Variants in DMXL1 observed in about 807,000 individuals in gnomAD.
The protein encoded by DMXL1 is Dmx like 1, also known as dmX-like protein 1.
Under a neutral mutation model 319.2 loss-of-function variants are expected in DMXL1, and 99 were observed. That is an observed-to-expected ratio of 0.31 (90% confidence interval 0.26 to 0.37). DMXL1 has a LOEUF of 0.37. DMXL1 is among the 10% of genes least tolerant of loss of function. The probability of loss-of-function intolerance (pLI) is 1.00; values close to 1 mark genes in which losing one functional copy is unlikely to be tolerated. For missense variants in DMXL1, 3,745 were observed against 3,595.6 expected, an observed-to-expected ratio of 1.04 and a Z score of -1.06; for synonymous variants, 1,385 against 1,235.2, an observed-to-expected ratio of 1.12 and a Z score of -2.54.
rs117105014 is a variant in DMXL1, at chr5:119,121,345, G to C, written c.1102+206G>C. Among the ~76,000 whole-genome samples, 82 of 151,580 alleles carry C rather than the reference G, an allele frequency of 5.4e-4. 2 individuals are homozygous for C. In the East Asian group the frequency reaches 0.013, roughly 23 times the overall value. ...TTCTTGCAGAGGGAGGTTTGGCACG[G>C]TCATAGGACAATAGTGGAGGGAAGG... On this transcript the variant is annotated intron_variant, in intron 9 of 43. Transcript: ENST00000539542.
intron 1 of DMXL1, among the ~76,000 whole-genome samples, chr5:119,072,587 A>G (rs1166335469): frequency 3.3e-5 from 5 of 152,210 alleles, no homozygotes; most frequent in Non-Finnish European, 7.3e-5. Context: ...CACAAAGTAA[A>G]CAACGTAACC....
intron 10 of DMXL1, among the ~76,000 whole-genome samples, chr5:119,132,376 A>C (rs1485007764): frequency 6.6e-6 from 1 of 152,142 alleles, no homozygotes; most frequent in Non-Finnish European, 1.5e-5. Context: ...TACCACTGTC[A>C]GATTAAGAAA....
At position 119,087,761 on chromosome 5, in the gene DMXL1, T is replaced by C. The variant is rs186118144; in HGVS notation, c.88-10218T>C. Among the ~76,000 whole-genome samples, 8 of 152,264 alleles carry C rather than the reference T, an allele frequency of 5.3e-5. No homozygotes were observed. The East Asian group carries it at 1.5e-3, about 29-fold the overall frequency. On this transcript the variant is annotated intron_variant, in intron 1 of 43. Transcript: ENST00000539542. Reference sequence around the variant, plus strand: ...TGGGGCGTTAAATTCTCCTACGTTATTGTATTGCATTCTATTTAGATCTAT... The same window carrying C: ...TGGGGCGTTAAATTCTCCTACGTTACTGTATTGCATTCTATTTAGATCTAT...
chr5:119,094,516 G>C (rs1217458533), intron 1 of DMXL1, among the ~76,000 whole-genome samples: 1 of 152,246 alleles, frequency 6.6e-6, no homozygotes, highest in African/African-American at 2.4e-5. Flanking sequence ...TGTACAAGGA[G>C]ATTAATGTAG....
chr5:119,074,958 A>T (rs1326790010), intron 1 of DMXL1, among the ~76,000 whole-genome samples: 1 of 152,194 alleles, frequency 6.6e-6, no homozygotes, highest in Non-Finnish European at 1.5e-5. Context: ...AAATGGGACT[A>T]AAAGAGTATT....
chr5:119,245,181 A>G (rs531872283), intron 43 of DMXL1, among the ~76,000 whole-genome samples: 1 of 152,216 alleles, frequency 6.6e-6, no homozygotes. Context: ...CATTTTAATA[A>G]CACACCTAGT....
chr5:119,247,077 C>A lies in DMXL1; in HGVS notation c.9005C>A (p.Thr3002Asn), dbSNP rs1170772121. The A allele has an allele frequency of 6.2e-7, 1 of 1,614,120 alleles. No individual in the cohort carries two copies. The highest frequency in any genetic ancestry group is 1.1e-5 in the South Asian group (1 of 91,080). Residue 3002 changes from threonine to asparagine, a missense_variant, in exon 44 of 44, where the codon ACT becomes AAT. Around this residue, in one of 4 missense-constraint regions of DMXL1, gnomAD observed 262 missense variants for 320.5 expected, o/e 0.82. Transcript: ENST00000539542. ...CAGTCCATTTTTAGAAATATTGGAA[C>A]TGGAGTGATGCAAATTGAGACAGGG... The part of the protein sequence containing the change: ...ARQSIFRNIG[T>N]GVMQIETGPA...
At chr5:119,156,844 T>A (rs571212106) in intron 19 of DMXL1, among the ~76,000 whole-genome samples, 18 of 152,294 alleles carry the variant, frequency 1.2e-4, no homozygotes, top group Non-Finnish European at 2.5e-4. Flanking sequence ...TGTTTGTTTT[T>A]TTCTCTTTCT....
chr5:119,101,659 A>G (rs1390852095), intron 2 of DMXL1, among the ~76,000 whole-genome samples: 1 of 152,182 alleles, frequency 6.6e-6, no homozygotes, highest in Non-Finnish European at 1.5e-5. Flanking sequence ...TGTTATTTCA[A>G]CCCTCAATGC....
intron 25 of DMXL1, among the ~76,000 whole-genome samples, chr5:119,173,674 G>GTA (rs142533533): frequency 0.018 from 1,899 of 104,918 alleles, 48 homozygotes; most frequent in African/African-American, 0.051. Flanking sequence ...TAGGATGTAT[G>GTA]TGTGTGTGTG....
rs1345768905 is a variant in DMXL1, at chr5:119,147,489, A to G, written c.2911+19A>G. 1 of 1,573,954 alleles carries G rather than the reference A, an allele frequency of 6.4e-7. No individual in the cohort carries two copies. The highest frequency in any genetic ancestry group is 1.3e-5 in the African/African-American group (1 of 74,162). ...TCAGCAGGTTTGTAAATTTTATGAA[A>G]AGAGACTAATTTTGTAACACATGAG... On this transcript the variant is annotated intron_variant, in intron 17 of 43. Transcript: ENST00000539542.
intron 1 of DMXL1, among the ~76,000 whole-genome samples, chr5:119,083,492 G>C (rs2149702616): frequency 6.6e-6 from 1 of 152,192 alleles, no homozygotes; most frequent in South Asian, 2.1e-4. Context: ...TCATTCTTTT[G>C]CATATATACC....
At chr5:119,152,649 T>C (rs764699128) in intron 19 of DMXL1, among the ~76,000 whole-genome samples, 3 of 152,246 alleles carry the variant, frequency 2.0e-5, no homozygotes, top group Non-Finnish European at 4.4e-5. Context: ...ACGATTATTG[T>C]AGGTACCAGA....
chr5:119,111,707 T>G (rs1003576893), intron 5 of DMXL1, among the ~76,000 whole-genome samples: 1 of 152,224 alleles, frequency 6.6e-6, no homozygotes, highest in Non-Finnish European at 1.5e-5. Flanking sequence ...TGTGCAGTTT[T>G]GGGCAAATGC....
At chr5:119,105,034 C>G in intron 3 of DMXL1, 146 bp from the exon 4 acceptor site, 2 of 575,022 alleles carry the variant, frequency 3.5e-6, no homozygotes, top group South Asian at 2.2e-5. Flanking sequence ...ATCATGTGTT[C>G]TCTATTTTTG....
intron 7 of DMXL1, among the ~76,000 whole-genome samples, chr5:119,116,654 G>A (rs545899030): frequency 1.3e-5 from 2 of 152,176 alleles, no homozygotes; most frequent in African/African-American, 4.8e-5. Context: ...TCTCCAGATT[G>A]TTGTTTGTTT....
chr5:119,247,058 A>C lies in DMXL1; in HGVS notation c.8986A>C (p.Ile2996Leu). ...TGTCAGTGAACATGCTCGGCAGTCC[A>C]TTTTTAGAAATATTGGAACTGGAGT... ...TFVSEHARQS[I>L]FRNIGTGVMQ... The change falls in exon 44 of 44, where the codon ATT (isoleucine) becomes CTT (leucine). Residue 2996 changes from isoleucine to leucine, a missense_variant. This residue lies in a region of DMXL1 where 262 missense variants were observed against 320.5 expected (regional missense o/e 0.82). Coordinates refer to ENST00000539542, the MANE Select transcript of DMXL1 (RefSeq NM_001290321.3). The C allele has an allele frequency of 3.1e-6, 5 of 1,614,110 alleles. No individual in the cohort carries two copies. Among genetic ancestry groups the C allele is most frequent in the Non-Finnish European group, 4.2e-6 (5 of 1,179,982 alleles).
At chr5:119,099,973 C>G (rs894444094) in intron 2 of DMXL1, among the ~76,000 whole-genome samples, 4 of 151,986 alleles carry the variant, frequency 2.6e-5, no homozygotes, top group African/African-American at 7.3e-5. Context: ...TGCACTGCAG[C>G]CTGGGTGACA....
chr5:119,094,620 G>A (rs1755520922), intron 1 of DMXL1, among the ~76,000 whole-genome samples: 1 of 152,126 alleles, frequency 6.6e-6, no homozygotes, highest in Non-Finnish European at 1.5e-5. Context: ...ATTTCATAAG[G>A]CTATAGCTGC....
Sources: allele counts gnomAD v4.1 joint callset (sites outside exome capture counted in the v4.1 genomes callset), GRCh38; gene constraint gnomAD v4.1.1; regional missense constraint gnomAD v4.1.1; transcripts MANE v1.5; gene names NCBI Gene and HGNC (gene_info 2026-07-23, HGNC 2026-07-21).